The following SPMAP2L variants were observed in gnomAD, a reference collection of about 807,000 sequenced individuals.
The protein encoded by SPMAP2L is sperm microtubule associated protein 2 like.
the SPMAP2L span, among the ~76,000 whole-genome samples, chr4:56,575,802 AT>A: frequency 1.3e-5 from 2 of 152,232 alleles, no homozygotes; most frequent in East Asian, 3.8e-4. Flanking sequence ...ATTGTAGGTA[AT>A]CAGAAGTTCA....
the SPMAP2L span, among the ~76,000 whole-genome samples, chr4:56,585,667 CT>C: frequency 6.6e-6 from 1 of 152,178 alleles, no homozygotes. Context: ...AAGGCCTGAA[CT>C]TACCACTTTC....
At chr4:56,581,036 A>G in the SPMAP2L span, among the ~76,000 whole-genome samples, 1 of 152,168 alleles carries the variant, frequency 6.6e-6, no homozygotes, top group Non-Finnish European at 1.5e-5. Context: ...GTATGATTTC[A>G]CTTATTTGAA....
the SPMAP2L span, among the ~76,000 whole-genome samples, chr4:56,539,619 A>T: frequency 7.9e-3 from 1,207 of 152,176 alleles, 17 homozygotes; most frequent in African/African-American, 0.028. Flanking sequence ...ACAGGGTTTC[A>T]CCATGTTGGC....
At chr4:56,581,265 G>T in the SPMAP2L span, among the ~76,000 whole-genome samples, 2 of 152,068 alleles carry the variant, frequency 1.3e-5, no homozygotes, top group African/African-American at 4.8e-5. Flanking sequence ...GACTAGCCTG[G>T]CCAACATGGT....
chr4:56,567,272 T>TTTTTTTTTA, the SPMAP2L span, among the ~76,000 whole-genome samples: 1 of 148,278 alleles, frequency 6.7e-6, no homozygotes, highest in Admixed American at 6.7e-5. Context: ...TTTAATAATA[T>TTTTTTTTTA]TTTTTTTTAA....
At chr4:56,578,675 CA>C in the SPMAP2L span, among the ~76,000 whole-genome samples, 1 of 151,834 alleles carries the variant, frequency 6.6e-6, no homozygotes, top group African/African-American at 2.4e-5. Flanking sequence ...GCACGCCAAC[CA>C]AAAAAGACCT....
chr4:56,615,418 G>C, the SPMAP2L span, among the ~76,000 whole-genome samples: 2 of 152,182 alleles, frequency 1.3e-5, no homozygotes, highest in African/African-American at 2.4e-5. Flanking sequence ...TGTCAACCCT[G>C]TCTGCACCTT....
chr4:56,547,240 CTCTTT>C, the SPMAP2L span, among the ~76,000 whole-genome samples: 1 of 83,744 alleles, frequency 1.2e-5, no homozygotes, highest in Admixed American at 2.0e-4. Context: ...ATTACTAATT[CTCTTT>C]TTTTTTTTTT....
chr4:56,551,490 A>T, the SPMAP2L span, among the ~76,000 whole-genome samples: 14 of 86,296 alleles, frequency 1.6e-4, no homozygotes, highest in African/African-American at 5.7e-4. Context: ...CAGCTTTGGG[A>T]TGTCAGTTCA....
chr4:56,626,137 GA>G, the SPMAP2L span, among the ~76,000 whole-genome samples: 1 of 152,264 alleles, frequency 6.6e-6, no homozygotes, highest in Non-Finnish European at 1.5e-5. Context: ...TTCAATGGAA[GA>G]AGATGAAGAT....
the SPMAP2L span, chr4:56,594,998 C>G: frequency 3.7e-6 from 6 of 1,606,860 alleles, no homozygotes; most frequent in Non-Finnish European, 4.3e-6. Context: ...CCGTTTTTGC[C>G]CAATCATCCC....
At chr4:56,624,600 TC>T in the SPMAP2L span, among the ~76,000 whole-genome samples, 1 of 152,156 alleles carries the variant, frequency 6.6e-6, no homozygotes, top group Non-Finnish European at 1.5e-5. Flanking sequence ...GTGCTCTGTG[TC>T]CCATCTGCTC....
chr4:56,549,332 C>T, the SPMAP2L span, among the ~76,000 whole-genome samples: 2 of 152,102 alleles, frequency 1.3e-5, no homozygotes, highest in South Asian at 2.1e-4. Context: ...TTGCTAGGTA[C>T]TTGACTTGTT....
chr4:56,595,321 G>A, the SPMAP2L span: 15 of 1,611,102 alleles, frequency 9.3e-6, no homozygotes, highest in African/African-American at 9.4e-5. Flanking sequence ...CCAGGATTAT[G>A]GATTTCACGC....
chr4:56,553,429 G>A, the SPMAP2L span, among the ~76,000 whole-genome samples: 12 of 151,036 alleles, frequency 7.9e-5, no homozygotes, highest in East Asian at 2.3e-3. Context: ...CTGTGCTTAA[G>A]TGATCCTCCC....
At chr4:56,604,291 G>T in the SPMAP2L span, among the ~76,000 whole-genome samples, 2 of 152,128 alleles carry the variant, frequency 1.3e-5, no homozygotes, top group African/African-American at 4.8e-5. Flanking sequence ...ATGGGTTCCT[G>T]CAGCATTCTT....
the SPMAP2L span, among the ~76,000 whole-genome samples, chr4:56,601,796 C>A: frequency 6.6e-6 from 1 of 151,958 alleles, no homozygotes; most frequent in Admixed American, 6.6e-5. Context: ...AACTTAAGAT[C>A]TAGGAGACAG....
chr4:56,540,763 G>A, the SPMAP2L span, among the ~76,000 whole-genome samples: 2 of 152,190 alleles, frequency 1.3e-5, no homozygotes, highest in South Asian at 2.1e-4. Flanking sequence ...AAGAAGCACC[G>A]CTGCTATTTT....
chr4:56,623,319 C>T, the SPMAP2L span, among the ~76,000 whole-genome samples: 1 of 152,160 alleles, frequency 6.6e-6, no homozygotes, highest in Non-Finnish European at 1.5e-5. Flanking sequence ...TTTCTTTAAT[C>T]TCCTCCACAA....
Sources: allele counts gnomAD v4.1 joint callset (sites outside exome capture counted in the v4.1 genomes callset), GRCh38; gene constraint gnomAD v4.1.1; transcripts MANE v1.5; gene names NCBI Gene and HGNC (gene_info 2026-07-23, HGNC 2026-07-21).